Variants in TRABD2B observed in about 807,000 individuals in gnomAD.
The protein encoded by TRABD2B is metalloprotease TIKI2.
TRABD2B carries 14 observed loss-of-function variants against 40.1 expected under a neutral mutation model. The observed-to-expected ratio is 0.35, with a 90% CI of 0.23 to 0.55. The LOEUF (loss-of-function observed/expected upper bound fraction) is 0.55. Among genes scored for constraint, TRABD2B ranks in the 20% least tolerant of loss-of-function variants. The pLI is 0.90. For missense variants in TRABD2B, 541 were observed against 648.6 expected (o/e 0.83, Z 1.80); for synonymous variants, 263 against 277.0 (o/e 0.95, Z 0.50).
intron 2 of TRABD2B, among the ~76,000 whole-genome samples, chr1:47,888,375 T>C (rs970283494): frequency 6.6e-5 from 10 of 152,186 alleles, no homozygotes; most frequent in African/African-American, 2.4e-4. Flanking sequence ...GAGGGCAGGG[T>C]TCTCATCTGC....
At position 47,994,246 on chromosome 1, in the gene TRABD2B, T is replaced by C. The variant is rs1192087127; in HGVS notation, c.454A>G (p.Asn152Asp). 5 of 1,540,824 alleles carry C rather than the reference T, an allele frequency of 3.2e-6. No homozygotes were observed. Among genetic ancestry groups the C allele is most frequent in the African/African-American group, 2.7e-5 (2 of 73,226 alleles). Residue 152 changes from asparagine to aspartate, a missense_variant, in exon 2 of 7, where the codon AAT becomes GAT. Asn to Asp is a conservative substitution (Grantham distance 23, BLOSUM62 1). Around this residue, in one of 2 missense-constraint regions of TRABD2B, gnomAD observed 369 missense variants for 492.8 expected, o/e 0.75. Transcript: ENST00000606738. The surrounding 1 kb of genome is among the most constrained non-coding windows in gnomAD (Gnocchi z 6.7). Reference sequence around the variant, plus strand: ...CGCTCCCAGTTGCCCGCGATGGCATTGAATAGGTAGTCAGCATAGAGCCCC... The same window carrying C: ...CGCTCCCAGTTGCCCGCGATGGCATCGAATAGGTAGTCAGCATAGAGCCCC... Reference protein sequence around the residue: ...GKGLYADYLFNAIAGNWERKR... With the variant: ...GKGLYADYLFDAIAGNWERKR...
At chr1:47,840,559 GATTA>G (rs1645382584) in intron 2 of TRABD2B, among the ~76,000 whole-genome samples, 1 of 152,170 alleles carries the variant, frequency 6.6e-6, no homozygotes, top group Non-Finnish European at 1.5e-5. Flanking sequence ...GACCCACTGG[GATTA>G]ATTAATGACA....
chr1:47,779,386 CTATT>C (rs1340985401), intron 4 of TRABD2B, among the ~76,000 whole-genome samples: 13 of 152,246 alleles, frequency 8.5e-5, no homozygotes, highest in African/African-American at 2.7e-4. Flanking sequence ...CCCCCACTCA[CTATT>C]CATTCATTCA....
chr1:47,946,366 G>A (rs1645260051), intron 2 of TRABD2B, among the ~76,000 whole-genome samples: 2 of 152,022 alleles, frequency 1.3e-5, no homozygotes, highest in Admixed American at 1.3e-4. Context: ...ATATGATATT[G>A]CTTGTAGGTT....
chr1:47,767,328 T>C (rs1234613559), intron 6 of TRABD2B, among the ~76,000 whole-genome samples: 1 of 152,052 alleles, frequency 6.6e-6, no homozygotes, highest in African/African-American at 2.4e-5. Flanking sequence ...AGCAGGTAGA[T>C]GAAGGGAAGG....
intron 2 of TRABD2B, among the ~76,000 whole-genome samples, chr1:47,938,615 ATTC>A (rs79085465): frequency 0.21 from 31,187 of 152,084 alleles, 3,561 homozygotes; most frequent in Middle Eastern, 0.27. Context: ...TCCCAGAGGA[ATTC>A]TTCTCTCTGG....
In TRABD2B at chr1:47,952,407, T is replaced by A. The variant is rs561823639; in HGVS notation, c.666+41627A>T. Among the ~76,000 whole-genome samples the A allele has an allele frequency of 2.0e-5, 3 of 152,288 alleles. No individual in the cohort carries two copies. The South Asian group carries it at 6.2e-4, about 32-fold the overall frequency. On this transcript the variant is annotated intron_variant, in intron 2 of 6. Coordinates refer to ENST00000606738, the MANE Select transcript of TRABD2B (RefSeq NM_001194986.2). ...GCTCCACTAAGACCCTGAGCAGACA[T>A]CTGGTGGCCTTTAGATAAGGTGCAG...
At chr1:47,874,358 C>T (rs1474761263) in intron 2 of TRABD2B, among the ~76,000 whole-genome samples, 26 of 145,368 alleles carry the variant, frequency 1.8e-4, no homozygotes, top group Admixed American at 1.2e-3. Flanking sequence ...CTGCAAGCTC[C>T]GCTTCCCGGG....
At chr1:47,902,628 C>G (rs1644616982) in intron 2 of TRABD2B, among the ~76,000 whole-genome samples, 2 of 152,312 alleles carry the variant, frequency 1.3e-5, no homozygotes, top group Middle Eastern at 3.4e-3. Context: ...TCCTCAGTAG[C>G]TAGGACTACA....
chr1:47,884,764 C>T (rs147313245), intron 2 of TRABD2B, among the ~76,000 whole-genome samples: 2,411 of 151,980 alleles, frequency 0.016, 31 homozygotes, highest in Admixed American at 0.024. Flanking sequence ...TACAGGTGCG[C>T]GCCACTATGC....
At chr1:47,770,353 T>A (rs7512511) in intron 6 of TRABD2B, among the ~76,000 whole-genome samples, 34,166 of 152,124 alleles carry the variant, frequency 0.22, 4,791 homozygotes, top group Non-Finnish European at 0.32. Context: ...GCTCTGGGTA[T>A]CTAGGACTTT....
At chr1:47,795,581 C>T (rs1020383667) in intron 3 of TRABD2B, 39 of 931,650 alleles carry the variant, frequency 4.2e-5, no homozygotes, top group South Asian at 1.5e-4. Flanking sequence ...TTAACTTTTC[C>T]GAGTCCCAGC....
At position 47,910,510 on chromosome 1, in the gene TRABD2B, T is replaced by C. The variant is rs75298726; in HGVS notation, c.666+83524A>G. 3.9e-4 allele frequency among the ~76,000 whole-genome samples: 59 copies of C among 152,182 alleles called. 1 individual carries two copies. In the East Asian group the frequency reaches 8.9e-3, roughly 23 times the overall value. On this transcript the variant is annotated intron_variant, in intron 2 of 6. Coordinates refer to ENST00000606738, the MANE Select transcript of TRABD2B (RefSeq NM_001194986.2). ...ATGGCCATGGGAAGTAGTGAGTACC[T>C]TGTCACTCAGAGAGTGGGAGAATGA...
intron 2 of TRABD2B, among the ~76,000 whole-genome samples, chr1:47,886,462 T>C (rs988142011): frequency 3.3e-5 from 5 of 152,192 alleles, no homozygotes; most frequent in African/African-American, 1.2e-4. Context: ...AAATGGTTGA[T>C]AGAACTGAAT....
intron 2 of TRABD2B, among the ~76,000 whole-genome samples, chr1:47,969,049 T>C (rs982590005): frequency 6.6e-6 from 1 of 152,174 alleles, no homozygotes; most frequent in African/African-American, 2.4e-5. Flanking sequence ...TAGCCCTGTG[T>C]CAAGTCCAAT....
At chr1:47,773,275 GAA>G (rs1450657801) in intron 6 of TRABD2B, among the ~76,000 whole-genome samples, 1 of 152,074 alleles carries the variant, frequency 6.6e-6, no homozygotes, top group Non-Finnish European at 1.5e-5. Context: ...TGCCACTGAC[GAA>G]AGTGGCTCTC....
At chr1:47,895,790 A>C (rs528720435) in intron 2 of TRABD2B, among the ~76,000 whole-genome samples, 4 of 152,366 alleles carry the variant, frequency 2.6e-5, no homozygotes, top group African/African-American at 9.6e-5. Context: ...AGATTTCCTC[A>C]GGTCGCACTG....
chr1:47,763,870 C>T lies in TRABD2B; in HGVS notation c.*2032G>A, dbSNP rs924543683. The T allele has an allele frequency of 6.6e-6, 1 of 152,246 alleles. No individual in the cohort carries two copies. The highest frequency in any genetic ancestry group is 1.5e-5 in the Non-Finnish European group (1 of 68,062). 9.4% of individuals were successfully genotyped at this position (152,246 alleles called of 1,614,324 possible). A position where few individuals can be genotyped will look rare whatever the true frequency, so the allele number is the denominator to read the frequency against. ...TAAGTCAGCTAAGCCCCTTCCCGCT[C>T]AGAAATAGGAAGTCACATTTTTGCC... On this transcript the variant is annotated 3_prime_UTR_variant, in exon 7 of 7. Coordinates refer to ENST00000606738, the MANE Select transcript of TRABD2B (RefSeq NM_001194986.2).
chr1:47,963,615 G>A (rs182300128), intron 2 of TRABD2B, among the ~76,000 whole-genome samples: 6 of 152,310 alleles, frequency 3.9e-5, no homozygotes, highest in Non-Finnish European at 7.3e-5. Flanking sequence ...CTGATAAACG[G>A]CCTTTGAACA....
Sources: gnomAD v4.1 joint callset for allele counts (sites outside exome capture counted in the v4.1 genomes callset) on GRCh38, gnomAD v4.1.1 for gene constraint, gnomAD v4.1.1 regional missense constraint, Gnocchi (gnomAD v3.1) non-coding constraint, MANE v1.5 for transcripts, NCBI Gene and HGNC (gene_info 2026-07-23, HGNC 2026-07-21) for gene names.